PRKAR2A: variants seen among roughly 807,000 people sequenced by gnomAD.
PRKAR2A encodes protein kinase cAMP-dependent type II regulatory subunit alpha, also known as cAMP-dependent protein kinase type II-alpha regulatory subunit.
Under a neutral mutation model 51.9 loss-of-function variants are expected in PRKAR2A, and 29 were observed. That is an observed-to-expected ratio of 0.56 (90% confidence interval 0.42 to 0.76). PRKAR2A has a LOEUF of 0.76. Ranked by LOEUF, PRKAR2A falls within the 30% of genes least tolerant of loss-of-function variation. The pLI is 0.00. For synonymous variants in PRKAR2A, 178 were observed against 186.2 expected (o/e 0.96, Z 0.36); for missense variants, 445 against 512.1 (o/e 0.87, Z 1.26).
At position 48,765,273 on chromosome 3, in the gene PRKAR2A, GACTC is replaced by G; in HGVS notation, c.769_772del (p.Glu257LeufsTer8). 1 of 1,612,014 alleles carries G rather than the reference GACTC, an allele frequency of 6.2e-7. No homozygotes were observed. Among genetic ancestry groups the G allele is most frequent in the Non-Finnish European group, 8.5e-7 (1 of 1,178,634 alleles). On this transcript the variant is annotated frameshift_variant, in exon 7 of 11. Coordinates refer to ENST00000265563, the MANE Select transcript of PRKAR2A (RefSeq NM_004157.4). LOFTEE classifies it high-confidence loss of function. ...CTCTAGTGATTTAAGGAGGGGCACA[GACTC>G]AATAAATGATTCAAACATCTTCCTC...
rs950509197 is a variant in PRKAR2A at position 48,764,874 on chromosome 3, C to T, written c.873+130G>A. The T allele has an allele frequency of 9.0e-5, 66 of 731,194 alleles. No homozygotes were observed. The South Asian group carries it at 1.1e-3, about 13-fold the overall frequency. 45.3% of individuals were successfully genotyped at this position (731,194 alleles called of 1,614,324 possible). A position where few individuals can be genotyped will look rare whatever the true frequency, so the allele number is the denominator to read the frequency against. On this transcript the variant is annotated intron_variant, in intron 8 of 10. Coordinates refer to ENST00000265563, the MANE Select transcript of PRKAR2A (RefSeq NM_004157.4). ...TCCTGGCCTCAAGTGATCCACCTGC[C>T]TCAGCCTCCCGAAGTGTTGGGATTA...
chr3:48,770,899 T>A (rs922855386), intron 6 of PRKAR2A, among the ~76,000 whole-genome samples: 2 of 152,164 alleles, frequency 1.3e-5, no homozygotes, highest in African/African-American at 4.8e-5. Context: ...GTTTTCAATT[T>A]TCATTGAGAC....
At chr3:48,765,459 AT>A (rs531193620) in intron 6 of PRKAR2A, 110 bp from the exon 7 acceptor site, 1 of 747,966 alleles carries the variant, frequency 1.3e-6, no homozygotes. Flanking sequence ...TACTGTGTTA[AT>A]TAAGTGTTTA....
chr3:48,773,122 A>G lies in PRKAR2A; in HGVS notation c.543-14T>C, dbSNP rs767905746. On this transcript the variant is annotated splice_polypyrimidine_tract_variant and intron_variant, in intron 5 of 10. Coordinates refer to ENST00000265563, the MANE Select transcript of PRKAR2A (RefSeq NM_004157.4). ...TCATAAGTTCCCCTAGAAGAATGAC[A>G]AAGAATAATTTAATTAGTTACTTCT... 3.4e-5 allele frequency: 54 copies of G among 1,588,234 alleles called. No homozygotes were observed. Among genetic ancestry groups the G allele is most frequent in the African/African-American group, 4.0e-5 (3 of 74,212 alleles).
chr3:48,813,630 G>A (rs1262203009), intron 1 of PRKAR2A, among the ~76,000 whole-genome samples: 1 of 152,034 alleles, frequency 6.6e-6, no homozygotes. Context: ...GGAGGCGGAG[G>A]TTGCAGTGAG....
intron 6 of PRKAR2A, among the ~76,000 whole-genome samples, chr3:48,767,056 G>C (rs562090330): frequency 6.6e-6 from 1 of 152,312 alleles, no homozygotes; most frequent in South Asian, 2.1e-4. Flanking sequence ...TGTGCAGGGA[G>C]ATACATGTGA....
chr3:48,777,131 CCTT>C (rs1195696161), intron 5 of PRKAR2A, among the ~76,000 whole-genome samples: 2 of 152,134 alleles, frequency 1.3e-5, no homozygotes, highest in African/African-American at 4.8e-5. Flanking sequence ...CTTAATCCCA[CCTT>C]CTAACCACCA....
At position 48,773,741 on chromosome 3, in the gene PRKAR2A, CAT is replaced by C. The variant is rs1277047212; in HGVS notation, c.543-635_543-634del. On this transcript the variant is annotated intron_variant, in intron 5 of 10. Transcript: ENST00000265563. ...TTTTTCCCCCCATCTTTAACTTAAA[CAT>C]ATATATATATACACACACACACATA... Among the ~76,000 whole-genome samples the C allele has an allele frequency of 3.2e-3, 484 of 150,788 alleles. 4 individuals are homozygous for C. Among genetic ancestry groups the C allele is most frequent in the African/African-American group, 0.011 (454 of 41,100 alleles).
intron 5 of PRKAR2A, among the ~76,000 whole-genome samples, chr3:48,774,014 G>A (rs920394769): frequency 4.0e-5 from 6 of 151,650 alleles, no homozygotes; most frequent in African/African-American, 1.5e-4. Context: ...TTTTATTTTT[G>A]TAGAGATGGG....
rs6791542 is a variant in PRKAR2A at position 48,749,786 on chromosome 3, A to G, written c.*1799T>C. On this transcript the variant is annotated 3_prime_UTR_variant, in exon 11 of 11. Transcript: ENST00000265563. The stretch of plus-strand genomic sequence containing the variant: ...TGGGTCACCGTGCCTGGCCAATGCC[A>G]ATTTTTGAAAACAGATTTGATCTTT... 95,541 of 152,090 alleles carry G rather than the reference A, an allele frequency of 0.63. 31,191 individuals carry two copies. The highest frequency in any genetic ancestry group is 0.96 in the East Asian group (4,970 of 5,190). The allele number at this position is 152,090 out of a possible 1,614,324, so 9.4% of individuals were successfully genotyped here.
At chr3:48,752,120 GA>G in intron 10 of PRKAR2A, 55 bp downstream of exon 10, 4 of 1,574,816 alleles carry the variant, frequency 2.5e-6, no homozygotes, top group Admixed American at 1.8e-5. Context: ...TTGCTGATGG[GA>G]AAAAAATATT....
intron 3 of PRKAR2A, among the ~76,000 whole-genome samples, chr3:48,793,161 C>T (rs1418221645): frequency 6.6e-6 from 1 of 151,804 alleles, no homozygotes; most frequent in Non-Finnish European, 1.5e-5. Context: ...TAAAATACAC[C>T]TCACACAAAC....
chr3:48,841,137 C>T (rs1054689291), intron 1 of PRKAR2A, among the ~76,000 whole-genome samples: 2 of 151,460 alleles, frequency 1.3e-5, no homozygotes, highest in Non-Finnish European at 2.9e-5. Context: ...CCGCCCGCCT[C>T]GGCCCCCCAG....
intron 9 of PRKAR2A, among the ~76,000 whole-genome samples, chr3:48,754,969 ATAT>A (rs1575835034): frequency 6.7e-6 from 1 of 149,892 alleles, no homozygotes; most frequent in Non-Finnish European, 1.5e-5. Flanking sequence ...ACAGACAGTA[ATAT>A]TCTTCTTTTT....
rs1005671473 is a variant in PRKAR2A, at chr3:48,803,416, CTTAT to C, written c.298+4229_298+4232del. ...GGCAATAGAAGGAGACACTGTCTTT[CTTAT>C]TTATTTGTTTATTTGTTTATTTATT... is the stretch of plus-strand genomic sequence containing the variant. On this transcript the variant is annotated intron_variant, in intron 2 of 10. Coordinates refer to ENST00000265563, the MANE Select transcript of PRKAR2A (RefSeq NM_004157.4). 3.7e-4 allele frequency among the ~76,000 whole-genome samples: 57 copies of C among 152,130 alleles called. 1 individual carries two copies. Among genetic ancestry groups the C allele is most frequent in the Middle Eastern group, 3.4e-3 (1 of 294 alleles).
chr3:48,842,524 C>T (rs1223141715), intron 1 of PRKAR2A, among the ~76,000 whole-genome samples: 1 of 152,168 alleles, frequency 6.6e-6, no homozygotes, highest in African/African-American at 2.4e-5. Flanking sequence ...AGTTTTTGCC[C>T]ATTCAGTATG....
At chr3:48,773,741 C>T (rs1203225330) in intron 5 of PRKAR2A, among the ~76,000 whole-genome samples, 2 of 150,692 alleles carry the variant, frequency 1.3e-5, no homozygotes, top group Non-Finnish European at 3.0e-5. Flanking sequence ...TTAACTTAAA[C>T]ATATATATAT....
At chr3:48,803,812 C>A (rs1211136665) in intron 2 of PRKAR2A, among the ~76,000 whole-genome samples, 1 of 151,998 alleles carries the variant, frequency 6.6e-6, no homozygotes, top group Admixed American at 6.6e-5. Context: ...GTTCAAGACC[C>A]GCCTGGCCAA....
intron 1 of PRKAR2A, among the ~76,000 whole-genome samples, chr3:48,810,868 G>A (rs1034708490): frequency 2.0e-5 from 3 of 152,108 alleles, no homozygotes; most frequent in African/African-American, 7.2e-5. Flanking sequence ...TTAAATGAAT[G>A]CAATGGTCCT....
Sources: allele counts gnomAD v4.1 joint callset (sites outside exome capture counted in the v4.1 genomes callset), GRCh38; gene constraint gnomAD v4.1.1; transcripts MANE v1.5; gene names NCBI Gene and HGNC (gene_info 2026-07-23, HGNC 2026-07-21).